CARMIL1: variants seen among roughly 807,000 people sequenced by gnomAD.
CARMIL1 encodes capping protein regulator and myosin 1 linker 1.
A neutral mutation model predicts 177.1 loss-of-function variants in CARMIL1; 90 were observed. That is an observed-to-expected ratio of 0.51 (90% CI 0.43 to 0.61). CARMIL1 has a LOEUF of 0.61. Among genes scored for constraint, CARMIL1 ranks in the 20% least tolerant of loss-of-function variants. The pLI is 0.00. For missense variants in CARMIL1, 1,380 were observed against 1,667.0 expected, an observed-to-expected ratio of 0.83 and a Z score of 3.00; for synonymous variants, 577 against 606.2, an observed-to-expected ratio of 0.95 and a Z score of 0.71.
intron 3 of CARMIL1, among the ~76,000 whole-genome samples, chr6:25,423,259 G>A (rs1796006618): frequency 6.6e-6 from 1 of 152,146 alleles, no homozygotes; most frequent in South Asian, 2.1e-4. Context: ...ATAGTCAAAT[G>A]CACAAAACGG....
At chr6:25,339,406 T>C (rs1786664194) in intron 2 of CARMIL1, among the ~76,000 whole-genome samples, 1 of 152,224 alleles carries the variant, frequency 6.6e-6, no homozygotes, top group Non-Finnish European at 1.5e-5. Flanking sequence ...GTTATTTCTT[T>C]AATGTAGCAC....
At chr6:25,404,762 A>G (rs1324322718) in intron 2 of CARMIL1, among the ~76,000 whole-genome samples, 1 of 145,808 alleles carries the variant, frequency 6.9e-6, no homozygotes, top group Admixed American at 7.1e-5. Flanking sequence ...TCTTAAAAAA[A>G]AAAAAAAAAA....
At chr6:25,317,603 G>A (rs1321230810) in intron 2 of CARMIL1, among the ~76,000 whole-genome samples, 4 of 121,522 alleles carry the variant, frequency 3.3e-5, no homozygotes, top group African/African-American at 3.3e-5. Context: ...GGATCTCATC[G>A]TCACCCAGGT....
At chr6:25,299,652 C>T (rs913304992) in intron 2 of CARMIL1, among the ~76,000 whole-genome samples, 3 of 152,048 alleles carry the variant, frequency 2.0e-5, no homozygotes, top group Admixed American at 2.0e-4. Context: ...GGCACCATCA[C>T]CCACTCTTCC....
intron 8 of CARMIL1, chr6:25,451,986 GCC>G (rs11461054): frequency 3.4e-5 from 4 of 117,220 alleles, no homozygotes; most frequent in African/African-American, 1.4e-4. Flanking sequence ...CTAGCATCTT[GCC>G]CCCCCCTCCC....
chr6:25,410,597 G>A (rs1345837040), intron 2 of CARMIL1, among the ~76,000 whole-genome samples: 1 of 93,908 alleles, frequency 1.1e-5, no homozygotes, highest in Non-Finnish European at 2.1e-5. Flanking sequence ...TTGGTGCCAG[G>A]CCCAGGAGGG....
intron 24 of CARMIL1, among the ~76,000 whole-genome samples, chr6:25,532,206 C>T (rs1807834581): frequency 6.6e-6 from 1 of 151,482 alleles, no homozygotes; most frequent in South Asian, 2.1e-4. Context: ...TCAAGCGATT[C>T]TCCTGCCTCA....
rs116728734 is a variant in CARMIL1, at chr6:25,613,948, C to T, written c.3979+3767C>T. On this transcript the variant is annotated intron_variant, in intron 36 of 36. Transcript: ENST00000329474. ...TCAGAATACAAGTTAATGGGAGTGA[C>T]CTTATTATAGGGATACCTTCTCTTT... Among the ~76,000 whole-genome samples the T allele has an allele frequency of 5.6e-3, 851 of 152,260 alleles. 4 individuals carry two copies. The highest frequency in any genetic ancestry group is 7.9e-3 in the Non-Finnish European group (538 of 68,022).
chr6:25,322,509 T>C (rs996575660), intron 2 of CARMIL1, among the ~76,000 whole-genome samples: 2 of 152,146 alleles, frequency 1.3e-5, no homozygotes, highest in African/African-American at 2.4e-5. Context: ...TGCACATACA[T>C]ACACACACAC....
At chr6:25,423,468 T>C (rs934490159) in intron 3 of CARMIL1, among the ~76,000 whole-genome samples, 2 of 152,196 alleles carry the variant, frequency 1.3e-5, no homozygotes, top group Non-Finnish European at 2.9e-5. Flanking sequence ...GGTTTTATAC[T>C]GGCCAAAAGG....
chr6:25,390,729 A>G (rs1792728749), intron 2 of CARMIL1, among the ~76,000 whole-genome samples: 1 of 152,184 alleles, frequency 6.6e-6, no homozygotes. Flanking sequence ...TCGCTCTGTC[A>G]GCCCAGGCTG....
intron 8 of CARMIL1, chr6:25,465,540 T>G: frequency 1.5e-5 from 3 of 198,466 alleles, no homozygotes; most frequent in Non-Finnish European, 3.1e-5. Context: ...AAAGATTTTA[T>G]GAAGGAGAGA....
intron 2 of CARMIL1, among the ~76,000 whole-genome samples, chr6:25,405,841 T>G (rs1794317437): frequency 6.6e-6 from 1 of 152,192 alleles, no homozygotes; most frequent in Admixed American, 6.5e-5. Context: ...GTGTCAATTA[T>G]GTGGTAGGCA....
At chr6:25,311,040 G>A (rs1295662064) in intron 2 of CARMIL1, among the ~76,000 whole-genome samples, 1 of 149,626 alleles carries the variant, frequency 6.7e-6, no homozygotes, top group Non-Finnish European at 1.5e-5. Flanking sequence ...AAACTGGCCG[G>A]GTGTGGTGGT....
intron 2 of CARMIL1, among the ~76,000 whole-genome samples, chr6:25,312,412 T>A (rs1485647681): frequency 7.8e-6 from 1 of 128,424 alleles, no homozygotes; most frequent in Non-Finnish European, 1.7e-5. Flanking sequence ...GTTCCACCAA[T>A]TTTTTTTTTC....
chr6:25,553,243 A>G (rs1810292424), intron 27 of CARMIL1, among the ~76,000 whole-genome samples: 1 of 152,224 alleles, frequency 6.6e-6, no homozygotes. Flanking sequence ...ATTGTGCTTA[A>G]TGTACATTTG....
Position 25,279,477 on chromosome 6 carries a change from G to T in CARMIL1, c.-319G>T. The T allele has an allele frequency of 2.2e-6, 1 of 457,146 alleles. No individual in the cohort carries two copies. The highest frequency in any genetic ancestry group is 4.0e-6 in the Non-Finnish European group (1 of 251,932). 28.3% of individuals were successfully genotyped at this position (457,146 alleles called of 1,614,324 possible). On this transcript the variant is annotated 5_prime_UTR_variant, in exon 1 of 37. Coordinates refer to ENST00000329474, the MANE Select transcript of CARMIL1 (RefSeq NM_017640.6). ...GCCCCGCCGGGGACCAGCGAGCCGG[G>T]AGGAGGAGCAGGCGCCACAGCCGCC...
intron 8 of CARMIL1, among the ~76,000 whole-genome samples, chr6:25,459,430 A>G (rs1391885043): frequency 6.6e-6 from 1 of 150,800 alleles, no homozygotes; most frequent in Non-Finnish European, 1.5e-5. Flanking sequence ...TTTATGATTT[A>G]TTTGTAAAGA....
chr6:25,394,594 C>T (rs748196148), intron 2 of CARMIL1, among the ~76,000 whole-genome samples: 1 of 152,102 alleles, frequency 6.6e-6, no homozygotes, highest in African/African-American at 2.4e-5. Flanking sequence ...GCAATTGTAC[C>T]AAGTGTTGGG....
Sources: allele counts gnomAD v4.1 joint callset (sites outside exome capture counted in the v4.1 genomes callset), GRCh38; gene constraint gnomAD v4.1.1; transcripts MANE v1.5; gene names NCBI Gene and HGNC (gene_info 2026-07-23, HGNC 2026-07-21).